The following NRXN3 variants were observed in gnomAD, a reference collection of about 807,000 sequenced individuals.
The protein encoded by NRXN3 is neurexin III.
In NRXN3, 32 loss-of-function variants were observed where a neutral mutation model predicts 137.6. The ratio of observed to expected loss-of-function variants is 0.23; its 90% CI spans 0.18 to 0.31. NRXN3 has a LOEUF of 0.31. Ranked by LOEUF, NRXN3 falls within the 10% of genes least tolerant of loss-of-function variation. The pLI is 1.00. For missense variants in NRXN3, 1,574 were observed against 2,062.5 expected, an observed-to-expected ratio of 0.76 and a Z score of 4.59; for synonymous variants, 798 against 784.5, an observed-to-expected ratio of 1.02 and a Z score of -0.29.
At chr14:78,763,850 A>G (rs2098700449) in intron 8 of NRXN3, among the ~76,000 whole-genome samples, 1 of 152,180 alleles carries the variant, frequency 6.6e-6, no homozygotes, top group Admixed American at 6.5e-5. Flanking sequence ...TTGCTGTCAC[A>G]AGGGTGATTT....
chr14:79,505,174 C>T (rs138458186), intron 16 of NRXN3, among the ~76,000 whole-genome samples: 5,232 of 149,854 alleles, frequency 0.035, 114 homozygotes, highest in Non-Finnish European at 0.054. Flanking sequence ...AAGATCATGC[C>T]GTTGCTCTCC....
At chr14:78,850,515 C>T (rs899537601) in intron 10 of NRXN3, among the ~76,000 whole-genome samples, 1 of 152,140 alleles carries the variant, frequency 6.6e-6, no homozygotes. Flanking sequence ...CACGTATTCA[C>T]TTCAGTCAAG....
intron 10 of NRXN3, among the ~76,000 whole-genome samples, chr14:78,926,891 TATATATA>T (rs2099302823): frequency 3.4e-5 from 1 of 29,394 alleles, no homozygotes; most frequent in Non-Finnish European, 4.9e-5. Context: ...TATATTTATA[TATATATA>T]TAATATATAT....
At chr14:78,378,484 C>CAAAA (rs3037810) in intron 4 of NRXN3, among the ~76,000 whole-genome samples, 2 of 126,904 alleles carry the variant, frequency 1.6e-5, no homozygotes, top group African/African-American at 3.0e-5. Flanking sequence ...GATTCTGTCT[C>CAAAA]AAAAAAAAAA....
At chr14:79,677,528 A>G (rs2098647131) in intron 17 of NRXN3, among the ~76,000 whole-genome samples, 1 of 152,068 alleles carries the variant, frequency 6.6e-6, no homozygotes, top group African/African-American at 2.4e-5. Context: ...GTGGCACTGG[A>G]TCTCTAGAAT....
chr14:79,798,452 C>A (rs1219310626), intron 19 of NRXN3, among the ~76,000 whole-genome samples: 1 of 152,114 alleles, frequency 6.6e-6, no homozygotes, highest in East Asian at 1.9e-4. Context: ...TTCTTTTTAG[C>A]GTGGAGCAGC....
At chr14:79,279,670 G>C (rs536272174) in intron 15 of NRXN3, 2 of 986,462 alleles carry the variant, frequency 2.0e-6, no homozygotes, top group Admixed American at 1.2e-4. Context: ...CTGCTCCGTG[G>C]CGCTAGTCCA....
At chr14:78,710,534 G>T (rs2098398034) in intron 7 of NRXN3, among the ~76,000 whole-genome samples, 1 of 152,160 alleles carries the variant, frequency 6.6e-6, no homozygotes, top group Admixed American at 6.5e-5. Flanking sequence ...CTCATTTCCT[G>T]ATTCTCCATT....
chr14:79,133,712 T>G (rs1486785959), intron 15 of NRXN3, among the ~76,000 whole-genome samples: 2 of 151,562 alleles, frequency 1.3e-5, no homozygotes, highest in Admixed American at 1.3e-4. Flanking sequence ...GATCACGAGG[T>G]CAGGGGATCG....
chr14:78,962,606 T>G (rs2099410243), intron 11 of NRXN3, among the ~76,000 whole-genome samples: 1 of 152,236 alleles, frequency 6.6e-6, no homozygotes, highest in South Asian at 2.1e-4. Flanking sequence ...TCAGCATCTC[T>G]CATGCTTTGC....
chr14:79,593,630 CAAAAAAAAAAA>C (rs58254245), intron 16 of NRXN3, among the ~76,000 whole-genome samples: 1 of 74,802 alleles, frequency 1.3e-5, no homozygotes, highest in South Asian at 4.6e-4. Flanking sequence ...GACTCCGTCT[CAAAAAAAAAAA>C]AAAAAAAAAA....
At chr14:79,300,608 G>A (rs1228157321) in intron 15 of NRXN3, among the ~76,000 whole-genome samples, 1 of 152,034 alleles carries the variant, frequency 6.6e-6, no homozygotes, top group Non-Finnish European at 1.5e-5. Flanking sequence ...TGCTTCACTT[G>A]GTGGTCTCAG....
chr14:79,576,317 C>A (rs573736156), intron 16 of NRXN3, among the ~76,000 whole-genome samples: 1 of 152,156 alleles, frequency 6.6e-6, no homozygotes, highest in East Asian at 1.9e-4. Flanking sequence ...TACTTACCTT[C>A]TTATGCACAA....
At chr14:79,262,180 C>G (rs946480303) in intron 15 of NRXN3, among the ~76,000 whole-genome samples, 3 of 152,150 alleles carry the variant, frequency 2.0e-5, no homozygotes, top group African/African-American at 7.2e-5. Context: ...CTCTTGGGCC[C>G]CTCCTGCCCA....
At chr14:78,498,804 T>G (rs115050058) in intron 4 of NRXN3, among the ~76,000 whole-genome samples, 5,486 of 151,648 alleles carry the variant, frequency 0.036, 289 homozygotes, top group African/African-American at 0.12. Context: ...TTTTTCTTTT[T>G]TTTTGAGATG....
intron 20 of NRXN3, among the ~76,000 whole-genome samples, chr14:79,831,684 G>A (rs1209644457): frequency 6.6e-6 from 1 of 152,106 alleles, no homozygotes; most frequent in Admixed American, 6.6e-5. Context: ...CTACTCATGA[G>A]AGACTAAGAA....
intron 4 of NRXN3, among the ~76,000 whole-genome samples, chr14:78,440,019 G>T (rs72681551): frequency 1.3e-5 from 2 of 152,126 alleles, no homozygotes; most frequent in African/African-American, 2.4e-5. Flanking sequence ...GGCATTGCCC[G>T]CATTCCCCAC....
At chr14:78,602,659 A>G (rs1034705730) in intron 4 of NRXN3, among the ~76,000 whole-genome samples, 2 of 152,064 alleles carry the variant, frequency 1.3e-5, no homozygotes, top group African/African-American at 4.8e-5. Context: ...TCTTTTTTCC[A>G]GGGGTTGAAG....
intron 15 of NRXN3, among the ~76,000 whole-genome samples, chr14:79,048,409 C>T (rs2099636233): frequency 6.6e-6 from 1 of 152,082 alleles, no homozygotes; most frequent in African/African-American, 2.4e-5. Context: ...AGTTTGGCTC[C>T]AGACCCCATA....
Sources: allele counts gnomAD v4.1 joint callset (sites outside exome capture counted in the v4.1 genomes callset), GRCh38; gene constraint gnomAD v4.1.1; transcripts MANE v1.5; gene names NCBI Gene and HGNC (gene_info 2026-07-23, HGNC 2026-07-21).